PITPNM2: variants seen among roughly 807,000 people sequenced by gnomAD.
The protein encoded by PITPNM2 is membrane-associated phosphatidylinositol transfer protein 2.
PITPNM2 carries 35 observed loss-of-function variants against 132.2 expected under a neutral mutation model. The ratio of observed to expected loss-of-function variants is 0.26; its 90% CI spans 0.20 to 0.35. The LOEUF (loss-of-function observed/expected upper bound fraction) is 0.35. PITPNM2 is among the 10% of genes least tolerant of loss of function. The pLI is 1.00. For missense variants in PITPNM2, 1,332 were observed against 1,912.0 expected, an observed-to-expected ratio of 0.70 and a Z score of 5.66; for synonymous variants, 738 against 799.2, an observed-to-expected ratio of 0.92 and a Z score of 1.29.
At chr12:123,024,935 A>T (rs922397549) in intron 3 of PITPNM2, among the ~76,000 whole-genome samples, 6 of 152,194 alleles carry the variant, frequency 3.9e-5, no homozygotes, top group Non-Finnish European at 8.8e-5. Flanking sequence ...AAAACAAAAC[A>T]AACAGAAACC....
intron 2 of PITPNM2, among the ~76,000 whole-genome samples, chr12:123,055,567 G>T (rs1212758466): frequency 3.3e-5 from 5 of 152,216 alleles, no homozygotes; most frequent in African/African-American, 1.2e-4. Flanking sequence ...ATGCAGCTTT[G>T]TAGGAACAGC....
intron 3 of PITPNM2, among the ~76,000 whole-genome samples, chr12:123,032,565 G>C (rs917327911): frequency 5.3e-5 from 8 of 152,186 alleles, no homozygotes; most frequent in African/African-American, 1.7e-4. Context: ...CTCCAGAACA[G>C]CTTTGGGATC....
At chr12:123,080,436 G>A (rs2041923434) in intron 2 of PITPNM2, among the ~76,000 whole-genome samples, 2 of 152,178 alleles carry the variant, frequency 1.3e-5, no homozygotes, top group African/African-American at 2.4e-5. Flanking sequence ...ATATTCCAGA[G>A]CCCCTCCTAA....
intron 1 of PITPNM2, among the ~76,000 whole-genome samples, chr12:123,113,905 T>C (rs1453814355): frequency 6.6e-6 from 1 of 152,214 alleles, no homozygotes; most frequent in African/African-American, 2.4e-5. Context: ...TCTATGGGTT[T>C]GCCTATTCTA....
chr12:123,086,885 C>T (rs1220417177), intron 2 of PITPNM2, among the ~76,000 whole-genome samples: 1 of 152,216 alleles, frequency 6.6e-6, no homozygotes, highest in Admixed American at 6.5e-5. Context: ...GGTCTCAGAG[C>T]AGGTCCCTCA....
chr12:123,018,295 T>C (rs79569421), intron 3 of PITPNM2, among the ~76,000 whole-genome samples: 5 of 37,402 alleles, frequency 1.3e-4, no homozygotes, highest in African/African-American at 1.9e-4. Context: ...TTTCTTTTCT[T>C]TTTTTTTTTT....
chr12:123,025,713 T>A (rs2039842168), intron 3 of PITPNM2, among the ~76,000 whole-genome samples: 1 of 152,146 alleles, frequency 6.6e-6, no homozygotes, highest in Non-Finnish European at 1.5e-5. Context: ...ATTACAGGTG[T>A]GAGCCACCGC....
Position 123,071,756 on chromosome 12 carries a change from G to T in PITPNM2, c.-95-37071C>A, listed in dbSNP as rs1447645525. Among the ~76,000 whole-genome samples the T allele has an allele frequency of 2.6e-5, 4 of 152,198 alleles. No individual in the cohort carries two copies. In the South Asian group the frequency reaches 6.2e-4, roughly 24 times the overall value. On this transcript the variant is annotated intron_variant, in intron 2 of 25. Coordinates refer to ENST00000320201, the MANE Select transcript of PITPNM2 (RefSeq NM_020845.3). ...TGAATTCTCACACAACGCCCATGGGGGGACCATCACTCCCATTCCACACAA... is the reference window on the plus strand; with the variant it reads ...TGAATTCTCACACAACGCCCATGGGTGGACCATCACTCCCATTCCACACAA...
rs1275424465 is a variant in PITPNM2 at position 123,099,227 on chromosome 12, A to C, written c.-96+11158T>G. ...CCTTCACGCTCACCCAGAACTGTCG[A>C]TTTTGCTGAAAAAAAAAATATATAT... On this transcript the variant is annotated intron_variant, in intron 2 of 25. Transcript: ENST00000320201. The surrounding 1 kb of genome is among the most constrained non-coding windows in gnomAD (Gnocchi z 4.2). 6.6e-6 allele frequency among the ~76,000 whole-genome samples: 1 copy of C among 151,564 alleles called. No homozygotes were observed. Among genetic ancestry groups the C allele is most frequent in the Non-Finnish European group, 1.5e-5 (1 of 67,892 alleles).
intron 17 of PITPNM2, 127 bp from the exon 18 acceptor site, chr12:122,990,075 C>A: frequency 1.3e-6 from 1 of 783,568 alleles, no homozygotes; most frequent in Non-Finnish European, 1.8e-6. Context: ...CCCATTGGCC[C>A]TCCTCACGGA....
chr12:123,029,515 G>A (rs1370594323), intron 3 of PITPNM2, among the ~76,000 whole-genome samples: 1 of 152,190 alleles, frequency 6.6e-6, no homozygotes, highest in Non-Finnish European at 1.5e-5. Flanking sequence ...AAACCCGAGA[G>A]GCAAAGGTTG....
chr12:123,059,776 G>C (rs978450700), intron 2 of PITPNM2, among the ~76,000 whole-genome samples: 5 of 152,178 alleles, frequency 3.3e-5, no homozygotes, highest in African/African-American at 1.2e-4. Context: ...AATCCATAGA[G>C]CTAGGATGCA....
Position 122,983,745 on chromosome 12 carries a change from A to AG in PITPNM2, c.*2281dup, listed in dbSNP as rs2037819227. The AG allele has an allele frequency of 6.8e-6, 1 of 146,158 alleles. No individual in the cohort carries two copies. The highest frequency in any genetic ancestry group is 6.8e-5 in the Admixed American group (1 of 14,622). 9.1% of individuals were successfully genotyped at this position (146,158 alleles called of 1,614,324 possible). ...AATCCCTCTTTAGAAATCAAAGAGA[A>AG]GGCAGGTGGTGGGGCGTGGGGGTGT... is the stretch of plus-strand genomic sequence containing the variant. On this transcript the variant is annotated 3_prime_UTR_variant, in exon 26 of 26. Coordinates refer to ENST00000320201, the MANE Select transcript of PITPNM2 (RefSeq NM_020845.3).
At chr12:123,123,672 T>C (rs1373369428) in intron 1 of PITPNM2, among the ~76,000 whole-genome samples, 1 of 152,088 alleles carries the variant, frequency 6.6e-6, no homozygotes, top group Non-Finnish European at 1.5e-5. Flanking sequence ...CATTGGCTCA[T>C]GCCTATAATC....
chr12:123,145,520 G>A (rs756716028), intron 1 of PITPNM2, among the ~76,000 whole-genome samples: 1 of 152,174 alleles, frequency 6.6e-6, no homozygotes, highest in Non-Finnish European at 1.5e-5. Context: ...CCACAATAGA[G>A]ATAAGGGACT....
At chr12:123,125,426 C>T (rs2043117041) in intron 1 of PITPNM2, among the ~76,000 whole-genome samples, 1 of 152,268 alleles carries the variant, frequency 6.6e-6, no homozygotes, top group Middle Eastern at 3.4e-3. Context: ...ATGCACACCA[C>T]TGATGGTTCA....
At chr12:123,055,182 C>T (rs1279115929) in intron 2 of PITPNM2, among the ~76,000 whole-genome samples, 2 of 152,200 alleles carry the variant, frequency 1.3e-5, no homozygotes, top group South Asian at 2.1e-4. Context: ...TCTGAAGTCT[C>T]GAAGTCTGTC....
At chr12:123,062,619 A>G (rs2041278827) in intron 2 of PITPNM2, among the ~76,000 whole-genome samples, 1 of 152,238 alleles carries the variant, frequency 6.6e-6, no homozygotes, top group African/African-American at 2.4e-5. Flanking sequence ...ATATCTCAGC[A>G]GCATCCAATA....
intron 2 of PITPNM2, among the ~76,000 whole-genome samples, chr12:123,094,693 C>T (rs774802280): frequency 2.6e-5 from 4 of 152,224 alleles, no homozygotes; most frequent in East Asian, 1.9e-4. Context: ...CAGCCTTCTC[C>T]GAAACCAAGC....
Sources: allele counts gnomAD v4.1 joint callset (sites outside exome capture counted in the v4.1 genomes callset), GRCh38; gene constraint gnomAD v4.1.1; non-coding constraint Gnocchi (gnomAD v3.1); transcripts MANE v1.5; gene names NCBI Gene and HGNC (gene_info 2026-07-23, HGNC 2026-07-21).